Variants in ZMYM2 observed in about 807,000 individuals in gnomAD.
ZMYM2 encodes the protein zinc finger MYM-type protein 2.
In ZMYM2, 56 loss-of-function variants were observed where a neutral mutation model predicts 162.8. The observed-to-expected ratio is 0.34, with a 90% CI of 0.28 to 0.43. The LOEUF (loss-of-function observed/expected upper bound fraction) is 0.43. Ranked by LOEUF, ZMYM2 falls within the 20% of genes least tolerant of loss-of-function variation. The pLI is 1.00. For synonymous variants in ZMYM2, 510 were observed against 541.6 expected (o/e 0.94, Z 0.81); for missense variants, 1,275 against 1,621.8 (o/e 0.79, Z 3.67).
chr13:19,963,308 A>G (rs1955446489), intron 2 of ZMYM2, among the ~76,000 whole-genome samples: 1 of 152,202 alleles, frequency 6.6e-6, no homozygotes, highest in African/African-American at 2.4e-5. Context: ...TAATTTTCTT[A>G]TATTCCTGTC....
chr13:20,034,449 A>C, intron 11 of ZMYM2, 45 bp downstream of exon 11: 1 of 1,406,516 alleles, frequency 7.1e-7, no homozygotes, highest in Non-Finnish European at 9.3e-7. Context: ...ATTGATATTT[A>C]ATGTTTTTTG....
At position 20,073,902 on chromosome 13, in the gene ZMYM2, G is replaced by A. The variant is rs1050768607; in HGVS notation, c.3453+6512G>A. Among the ~76,000 whole-genome samples the A allele has an allele frequency of 4.9e-4, 74 of 151,910 alleles. 2 individuals carry two copies. The highest frequency in any genetic ancestry group is 1.8e-4 in the Non-Finnish European group (12 of 67,990). ...CGGTTTTAAGCATTTTTAAGGGTGC[G>A]GTGCAGTGGCATTAAGTACATTCAC... On this transcript the variant is annotated intron_variant, in intron 21 of 24. Coordinates refer to ENST00000610343, the MANE Select transcript of ZMYM2 (RefSeq NM_197968.4).
chr13:20,026,933 C>T (rs1481702401), intron 8 of ZMYM2, among the ~76,000 whole-genome samples, 171 bp downstream of exon 8: 1 of 151,824 alleles, frequency 6.6e-6, no homozygotes, highest in Non-Finnish European at 1.5e-5. Flanking sequence ...TTTTAGTTCT[C>T]TTCATGTCTA....
At chr13:20,021,366 G>GC (rs1475517889) in intron 7 of ZMYM2, among the ~76,000 whole-genome samples, 32 of 72,158 alleles carry the variant, frequency 4.4e-4, no homozygotes, top group African/African-American at 7.9e-4. Context: ...ATGTTTTCCT[G>GC]CTTTTTTTTT....
At chr13:19,935,412 C>G in the ZMYM2 span, among the ~76,000 whole-genome samples, 2 of 150,482 alleles carry the variant, frequency 1.3e-5, no homozygotes, top group Non-Finnish European at 2.9e-5. Flanking sequence ...GTTGGGATTA[C>G]AGGCGTGAGC....
At chr13:19,917,479 A>G in the ZMYM2 span, among the ~76,000 whole-genome samples, 1 of 151,634 alleles carries the variant, frequency 6.6e-6, no homozygotes, top group Non-Finnish European at 1.5e-5. Flanking sequence ...AATCCCAGCT[A>G]CTTGGGAGGC....
At chr13:19,959,251 C>T (rs555409531) in intron 1 of ZMYM2, among the ~76,000 whole-genome samples, 142 of 138,526 alleles carry the variant, frequency 1.0e-3, no homozygotes, top group African/African-American at 3.6e-3. Flanking sequence ...CCTTTCTCTC[C>T]GGCGGGGGGC....
At chr13:19,912,149 CTT>C in the ZMYM2 span, among the ~76,000 whole-genome samples, 1 of 151,760 alleles carries the variant, frequency 6.6e-6, no homozygotes, top group East Asian at 1.9e-4. Context: ...CAAATGCTTT[CTT>C]CTCCACACTG....
rs117858698 is a variant in ZMYM2 at position 20,071,955 on chromosome 13, A to T, written c.3453+4565A>T. The T allele has an allele frequency of 5.9e-3, 1,109 of 189,110 alleles. 19 individuals carry two copies. Among genetic ancestry groups the T allele is most frequent in the East Asian group, 0.053 (594 of 11,122 alleles). 11.7% of individuals were successfully genotyped at this position (189,110 alleles called of 1,614,324 possible). ...TTCTCTGTATTTTGGGAACAAAGTT[A>T]TATAATTGCTTTCCTTTAAGAGTCC... On this transcript the variant is annotated intron_variant, in intron 21 of 24. Coordinates refer to ENST00000610343, the MANE Select transcript of ZMYM2 (RefSeq NM_197968.4).
At chr13:19,996,210 A>G (rs776512154) in intron 3 of ZMYM2, among the ~76,000 whole-genome samples, 2 of 152,192 alleles carry the variant, frequency 1.3e-5, no homozygotes, top group African/African-American at 4.8e-5. Context: ...AGAATGCTAT[A>G]TGAATTGCTA....
rs1204228825 is a variant in ZMYM2, at chr13:20,088,193, G to A, written c.*2179G>A. On this transcript the variant is annotated 3_prime_UTR_variant, in exon 25 of 25. Transcript: ENST00000610343. ...GTCTTTGTCTTGATTGCAATCCAAC[G>A]ATAGATTAACTTGATTCTCAGGGGG... 7.3e-5 allele frequency: 15 copies of A among 206,112 alleles called. No individual in the cohort carries two copies. In the Admixed American group the frequency reaches 8.3e-4, roughly 11 times the overall value. The allele number at this position is 206,112 out of a possible 1,614,324, so 12.8% of individuals were successfully genotyped here.
At chr13:19,962,513 ATATTTTTTT>A (rs1955341437) in intron 2 of ZMYM2, among the ~76,000 whole-genome samples, 1 of 59,096 alleles carries the variant, frequency 1.7e-5, no homozygotes, top group African/African-American at 5.8e-5. Context: ...ATATATATAT[ATATTTTTTT>A]TTTTTTTTTT....
the ZMYM2 span, among the ~76,000 whole-genome samples, chr13:19,897,562 A>G: frequency 1.9e-4 from 29 of 150,548 alleles, no homozygotes; most frequent in East Asian, 1.6e-3. Context: ...ATATTAAAAA[A>G]AAAAAGAAAA....
intron 7 of ZMYM2, chr13:20,025,295 G>A (rs567023136): frequency 5.5e-4 from 108 of 197,976 alleles, no homozygotes; most frequent in Middle Eastern, 5.2e-3. Context: ...ATTTTGCAAC[G>A]TGATTTGTGA....
At chr13:19,942,709 C>CA in the ZMYM2 span, among the ~76,000 whole-genome samples, 15 of 149,744 alleles carry the variant, frequency 1.0e-4, no homozygotes, top group East Asian at 7.8e-4. Context: ...GATCTTGTCT[C>CA]AAAAAAAAAT....
At chr13:20,060,331 A>G (rs541555314) in intron 16 of ZMYM2, among the ~76,000 whole-genome samples, 1 of 152,306 alleles carries the variant, frequency 6.6e-6, no homozygotes, top group South Asian at 2.1e-4. Flanking sequence ...CATTTCGCGG[A>G]TGTCTGTGCC....
the ZMYM2 span, among the ~76,000 whole-genome samples, chr13:19,952,069 A>C: frequency 6.6e-6 from 1 of 152,166 alleles, no homozygotes; most frequent in Non-Finnish European, 1.5e-5. Context: ...AAAGAAGAAA[A>C]TCCTGTTGTT....
At chr13:19,991,199 G>A (rs972929369) in intron 2 of ZMYM2, among the ~76,000 whole-genome samples, 4 of 151,398 alleles carry the variant, frequency 2.6e-5, no homozygotes, top group African/African-American at 9.7e-5. Context: ...CTGCAACCTC[G>A]AACTCCTGGG....
the ZMYM2 span, among the ~76,000 whole-genome samples, chr13:19,913,402 T>C: frequency 3.9e-5 from 6 of 152,012 alleles, no homozygotes; most frequent in Non-Finnish European, 7.4e-5. Context: ...ATGGAAATGG[T>C]GCTTACTAGA....
Sources: gnomAD v4.1 joint callset for allele counts (sites outside exome capture counted in the v4.1 genomes callset) on GRCh38, gnomAD v4.1.1 for gene constraint, MANE v1.5 for transcripts, NCBI Gene and HGNC (gene_info 2026-07-23, HGNC 2026-07-21) for gene names.